Variants in PCDH15 observed in about 807,000 individuals in gnomAD.
PCDH15 encodes protocadherin related 15.
A neutral mutation model predicts 178.5 loss-of-function variants in PCDH15; 129 were observed. That is an observed-to-expected ratio of 0.72 (90% CI 0.63 to 0.84). The LOEUF is 0.84. PCDH15 is among the 40% of genes least tolerant of loss of function. The pLI is 0.00. For synonymous variants in PCDH15, 800 were observed against 732.0 expected (o/e 1.09, Z -1.50); for missense variants, 2,230 against 2,099.9 (o/e 1.06, Z -1.21).
intron 35 of PCDH15, among the ~76,000 whole-genome samples, chr10:53,815,569 G>A (rs2076030983): frequency 6.6e-6 from 1 of 152,042 alleles, no homozygotes; most frequent in Non-Finnish European, 1.5e-5. Flanking sequence ...TTCTAACCAA[G>A]AAATGCCTCT....
chr10:54,540,823 C>T (rs1285551399), intron 2 of PCDH15, among the ~76,000 whole-genome samples: 1 of 152,078 alleles, frequency 6.6e-6, no homozygotes, highest in Non-Finnish European at 1.5e-5. Flanking sequence ...ATCAAGTAGG[C>T]TTCATTCCTA....
At chr10:55,151,435 C>T (rs1838709604) in intron 2 of PCDH15, among the ~76,000 whole-genome samples, 1 of 152,042 alleles carries the variant, frequency 6.6e-6, no homozygotes, top group African/African-American at 2.4e-5. Flanking sequence ...GAGGCTCTCA[C>T]TAGCCAGATA....
At chr10:55,620,545 A>G (rs1843570507) in intron 2 of PCDH15, among the ~76,000 whole-genome samples, 1 of 151,996 alleles carries the variant, frequency 6.6e-6, no homozygotes, top group African/African-American at 2.4e-5. Context: ...TAGTTATTAC[A>G]TTATTACATT....
chr10:55,000,898 T>C (rs1839780922), intron 2 of PCDH15, among the ~76,000 whole-genome samples: 1 of 152,148 alleles, frequency 6.6e-6, no homozygotes, highest in Non-Finnish European at 1.5e-5. Context: ...TGATGACTGC[T>C]TGGCAAATCT....
At chr10:54,698,794 A>T (rs2095268844) in intron 1 of PCDH15, among the ~76,000 whole-genome samples, 1 of 152,140 alleles carries the variant, frequency 6.6e-6, no homozygotes, top group African/African-American at 2.4e-5. Context: ...TTCTATTATC[A>T]TGATTTCTTC....
rs150619654 is a variant in PCDH15 at position 55,443,161 on chromosome 10, A to G, written c.-156+184464T>C. On this transcript the variant is annotated intron_variant, in intron 2 of 5. Transcript: ENST00000613346. ...AACTCAAGATGGATTAAAGATTTAA[A>G]CATAAGACCTAAAACCATAAAACCC... is the stretch of plus-strand genomic sequence containing the variant. 4.5e-3 allele frequency among the ~76,000 whole-genome samples: 682 copies of G among 152,280 alleles called. 6 individuals carry two copies. The highest frequency in any genetic ancestry group is 0.016 in the African/African-American group (650 of 41,568).
intron 14 of PCDH15, among the ~76,000 whole-genome samples, chr10:54,148,667 C>G (rs2044221334): frequency 6.6e-6 from 1 of 151,804 alleles, no homozygotes; most frequent in Non-Finnish European, 1.5e-5. Context: ...AATTGATGTC[C>G]TCACCCAAGC....
At chr10:54,613,885 G>A (rs1456508261) in intron 2 of PCDH15, among the ~76,000 whole-genome samples, 1 of 151,456 alleles carries the variant, frequency 6.6e-6, no homozygotes, top group African/African-American at 2.4e-5. Flanking sequence ...GAGTTTTCAT[G>A]AGTATTTTAT....
intron 2 of PCDH15, among the ~76,000 whole-genome samples, chr10:54,547,811 G>T (rs1019716743): frequency 2.0e-5 from 3 of 151,996 alleles, no homozygotes; most frequent in African/African-American, 7.2e-5. Flanking sequence ...GAACAAAAGT[G>T]CTGTGTCATG....
At chr10:54,208,924 T>G (rs1348951649) in intron 10 of PCDH15, among the ~76,000 whole-genome samples, 1 of 152,068 alleles carries the variant, frequency 6.6e-6, no homozygotes, top group Non-Finnish European at 1.5e-5. Flanking sequence ...TGGACCCTGT[T>G]CAACCTCACC....
chr10:55,018,956 C>T (rs115926007), intron 2 of PCDH15, among the ~76,000 whole-genome samples: 1 of 152,148 alleles, frequency 6.6e-6, no homozygotes, highest in African/African-American at 2.4e-5. Context: ...CAGAAAACAT[C>T]CATTATCAAG....
chr10:54,588,179 C>T (rs1440116779), intron 2 of PCDH15, among the ~76,000 whole-genome samples: 36 of 152,072 alleles, frequency 2.4e-4, no homozygotes, highest in Admixed American at 2.4e-3. Flanking sequence ...AGTGTTACAT[C>T]AACAGAAAAA....
At chr10:54,012,062 C>A (rs531749678) in intron 20 of PCDH15, among the ~76,000 whole-genome samples, 1 of 152,138 alleles carries the variant, frequency 6.6e-6, no homozygotes, top group African/African-American at 2.4e-5. Flanking sequence ...AATACAGGAG[C>A]TGGTAGATGA....
At chr10:54,109,818 G>T (rs1022203918) in intron 15 of PCDH15, among the ~76,000 whole-genome samples, 1 of 152,110 alleles carries the variant, frequency 6.6e-6, no homozygotes, top group Non-Finnish European at 1.5e-5. Context: ...CAATTTAATT[G>T]TATGTGTTAA....
At chr10:55,301,601 G>T (rs1843282603) in intron 1 of PCDH15, among the ~76,000 whole-genome samples, 1 of 152,020 alleles carries the variant, frequency 6.6e-6, no homozygotes, top group Non-Finnish European at 1.5e-5. Flanking sequence ...TAATCTTGAT[G>T]AAGCCCAATT....
intron 27 of PCDH15, among the ~76,000 whole-genome samples, chr10:53,864,815 A>C (rs974917566): frequency 8.6e-5 from 13 of 151,994 alleles, no homozygotes; most frequent in Admixed American, 3.3e-4. Flanking sequence ...ATAAATAAAT[A>C]AATAAATAAA....
intron 2 of PCDH15, among the ~76,000 whole-genome samples, chr10:55,107,365 A>G (rs1564803869): frequency 6.6e-6 from 1 of 152,172 alleles, no homozygotes; most frequent in Non-Finnish European, 1.5e-5. Flanking sequence ...TTATCAAGAC[A>G]CTTTTATTAG....
chr10:54,974,481 T>C (rs1243171028), intron 2 of PCDH15, among the ~76,000 whole-genome samples: 1 of 151,722 alleles, frequency 6.6e-6, no homozygotes, highest in Non-Finnish European at 1.5e-5. Context: ...CATGAACGTG[T>C]GTGTATATAT....
intron 18 of PCDH15, among the ~76,000 whole-genome samples, chr10:54,027,635 T>C (rs1245164338): frequency 2.7e-5 from 4 of 147,708 alleles, no homozygotes; most frequent in East Asian, 2.0e-4. Context: ...GAAATAATGC[T>C]GCATATCTAC....
Sources: gnomAD v4.1 joint callset for allele counts (sites outside exome capture counted in the v4.1 genomes callset) on GRCh38, gnomAD v4.1.1 for gene constraint, MANE v1.5 for transcripts, NCBI Gene and HGNC (gene_info 2026-07-23, HGNC 2026-07-21) for gene names.